GRIA1: variants seen among roughly 807,000 people sequenced by gnomAD.
GRIA1 encodes glutamate ionotropic receptor AMPA type subunit 1.
Under a neutral mutation model 99.2 loss-of-function variants are expected in GRIA1, and 31 were observed. That is an observed-to-expected ratio of 0.31 (90% CI 0.23 to 0.42). The LOEUF is 0.42. Among genes scored for constraint, GRIA1 ranks in the 10% least tolerant of loss-of-function variants. The pLI is 1.00. For missense variants in GRIA1, 782 were observed against 1,157.5 expected (o/e 0.68, Z 4.71); for synonymous variants, 438 against 432.4 (o/e 1.01, Z -0.16).
chr5:153,769,144 G>T (rs1247561250), intron 12 of GRIA1, among the ~76,000 whole-genome samples: 1 of 152,198 alleles, frequency 6.6e-6, no homozygotes, highest in Non-Finnish European at 1.5e-5. Context: ...GCCATCCAGT[G>T]AGTGCCCCAG....
At chr5:153,676,314 T>C (rs111326957) in intron 6 of GRIA1, among the ~76,000 whole-genome samples, 84 of 152,286 alleles carry the variant, frequency 5.5e-4, no homozygotes, top group Non-Finnish European at 1.1e-3. Flanking sequence ...CAGACATAGG[T>C]TCCAAAGCCA....
chr5:153,585,299 C>CTT lies in GRIA1; in HGVS notation c.221-61603_221-61602dup, dbSNP rs10586598. On this transcript the variant is annotated intron_variant, in intron 2 of 15. Transcript: ENST00000285900. ...TTATTTTTCTTTTCTTTCTCTCTCT[C>CTT]TTTTTTTTTTTTTTTTTTTTTTTTT... Among the ~76,000 whole-genome samples the CTT allele has an allele frequency of 9.1e-3, 640 of 70,138 alleles. 32 individuals are homozygous for CTT. Among genetic ancestry groups the CTT allele is most frequent in the Middle Eastern group, 0.026 (2 of 76 alleles). 46.0% of individuals were successfully genotyped at this position (70,138 alleles called of 152,430 possible).
intron 7 of GRIA1, among the ~76,000 whole-genome samples, chr5:153,680,273 T>C (rs1474826901): frequency 6.6e-6 from 1 of 151,942 alleles, no homozygotes; most frequent in Non-Finnish European, 1.5e-5. Flanking sequence ...AGAATGAAGA[T>C]AATCAGCTGC....
intron 2 of GRIA1, among the ~76,000 whole-genome samples, chr5:153,627,179 T>C (rs1017559316): frequency 2.0e-5 from 3 of 152,190 alleles, no homozygotes; most frequent in Admixed American, 6.5e-5. Context: ...TAGCCTCAGA[T>C]AACTGCAGCA....
intron 5 of GRIA1, among the ~76,000 whole-genome samples, chr5:153,659,700 G>A (rs1384020821): frequency 6.6e-6 from 1 of 152,194 alleles, no homozygotes; most frequent in East Asian, 1.9e-4. Flanking sequence ...TTGCCAATAT[G>A]AGTACCTAAA....
chr5:153,682,674 C>A (rs924133506), intron 7 of GRIA1, among the ~76,000 whole-genome samples: 3 of 152,160 alleles, frequency 2.0e-5, no homozygotes, highest in African/African-American at 7.2e-5. Context: ...CACTGACCCC[C>A]ACCCTGCTCC....
At chr5:153,562,517 T>C (rs1263900229) in intron 2 of GRIA1, among the ~76,000 whole-genome samples, 2 of 152,224 alleles carry the variant, frequency 1.3e-5, no homozygotes, top group African/African-American at 4.8e-5. Context: ...AATGGTTCCT[T>C]ACTCAGCTTC....
At chr5:153,529,748 A>C (rs1386871034) in intron 2 of GRIA1, among the ~76,000 whole-genome samples, 1 of 152,034 alleles carries the variant, frequency 6.6e-6, no homozygotes, top group Admixed American at 6.6e-5. Flanking sequence ...GGGTAAATGG[A>C]TATCCTGAGG....
chr5:153,553,958 G>A lies in GRIA1; in HGVS notation c.220+59893G>A, dbSNP rs192397889. Among the ~76,000 whole-genome samples the A allele has an allele frequency of 4.2e-3, 634 of 152,134 alleles. 5 individuals are homozygous for A. Among genetic ancestry groups the A allele is most frequent in the African/African-American group, 0.015 (612 of 41,492 alleles). On this transcript the variant is annotated intron_variant, in intron 2 of 15. Transcript: ENST00000285900. ...ACTAGCTACCTACTGTAATAAATGG[G>A]GTGCAGATTAGAAAACAGGTCCTTA...
At chr5:153,679,628 T>C (rs1213266206) in intron 7 of GRIA1, among the ~76,000 whole-genome samples, 1 of 152,238 alleles carries the variant, frequency 6.6e-6, no homozygotes. Flanking sequence ...AGGACTACTC[T>C]TCAGCAATGG....
chr5:153,640,408 C>T (rs1753702129), intron 2 of GRIA1, among the ~76,000 whole-genome samples: 1 of 152,230 alleles, frequency 6.6e-6, no homozygotes, highest in South Asian at 2.1e-4. Context: ...CCTAACTTCT[C>T]CAGCCCGGGC....
At chr5:153,722,943 C>A (rs1760186882) in intron 11 of GRIA1, among the ~76,000 whole-genome samples, 1 of 152,080 alleles carries the variant, frequency 6.6e-6, no homozygotes, top group African/African-American at 2.4e-5. Flanking sequence ...CAGTTTCACA[C>A]CTAAAAGTGA....
intron 2 of GRIA1, among the ~76,000 whole-genome samples, chr5:153,607,042 G>GGT (rs1554102856): frequency 3.1e-5 from 4 of 127,760 alleles, no homozygotes; most frequent in African/African-American, 1.2e-4. Context: ...TATCACAAAA[G>GGT]ATATATATAT....
At chr5:153,633,840 T>C (rs969871302) in intron 2 of GRIA1, among the ~76,000 whole-genome samples, 1 of 152,188 alleles carries the variant, frequency 6.6e-6, no homozygotes, top group Non-Finnish European at 1.5e-5. Flanking sequence ...TCAGCAGACA[T>C]GTTTCAGTGC....
intron 2 of GRIA1, among the ~76,000 whole-genome samples, chr5:153,542,919 T>C (rs1759259008): frequency 6.6e-6 from 1 of 152,238 alleles, no homozygotes; most frequent in African/African-American, 2.4e-5. Context: ...AGAACAAGAA[T>C]GTTATAATCA....
At chr5:153,561,051 A>G (rs1168483041) in intron 2 of GRIA1, among the ~76,000 whole-genome samples, 1 of 152,108 alleles carries the variant, frequency 6.6e-6, no homozygotes, top group African/African-American at 2.4e-5. Context: ...TTTCTTCATG[A>G]TACATGTCTT....
intron 11 of GRIA1, among the ~76,000 whole-genome samples, chr5:153,745,992 G>A (rs1253395627): frequency 6.6e-6 from 1 of 152,164 alleles, no homozygotes; most frequent in Non-Finnish European, 1.5e-5. Context: ...GGTTGTTCCT[G>A]TTCTTATCCC....
At chr5:153,653,932 A>G (rs1754753556) in intron 4 of GRIA1, among the ~76,000 whole-genome samples, 1 of 152,186 alleles carries the variant, frequency 6.6e-6, no homozygotes, top group South Asian at 2.1e-4. Flanking sequence ...TCAGACACAA[A>G]TATTGTGAAT....
At chr5:153,627,794 G>C (rs942702760) in intron 2 of GRIA1, among the ~76,000 whole-genome samples, 1 of 152,154 alleles carries the variant, frequency 6.6e-6, no homozygotes, top group Non-Finnish European at 1.5e-5. Flanking sequence ...GAAAGCATAC[G>C]AGAAAAAGTA....
Sources: allele counts gnomAD v4.1 joint callset (sites outside exome capture counted in the v4.1 genomes callset), GRCh38; gene constraint gnomAD v4.1.1; transcripts MANE v1.5; gene names NCBI Gene and HGNC (gene_info 2026-07-23, HGNC 2026-07-21).